The following NINJ2 variants were observed in gnomAD, a reference collection of about 807,000 sequenced individuals.
NINJ2 encodes the protein ninjurin-2.
A neutral mutation model predicts 11.7 loss-of-function variants in NINJ2; 12 were observed. That is an observed-to-expected ratio of 1.02 (90% CI 0.66 to 1.66). The LOEUF (loss-of-function observed/expected upper bound fraction) is 1.66, where lower values mean the gene tolerates loss of function less well. Ranked by LOEUF, NINJ2 falls within the 40% of genes most tolerant of loss-of-function variation. The probability of loss-of-function intolerance (pLI) is 0.00; values close to 1 mark genes in which losing one functional copy is unlikely to be tolerated. For missense variants in NINJ2, 187 were observed against 181.8 expected, an observed-to-expected ratio of 1.03 and a Z score of -0.16; for synonymous variants, 93 against 76.8, an observed-to-expected ratio of 1.21 and a Z score of -1.10.
At chr12:603,611 T>C (rs915562815) in intron 1 of NINJ2, among the ~76,000 whole-genome samples, 4 of 152,230 alleles carry the variant, frequency 2.6e-5, no homozygotes, top group African/African-American at 9.6e-5. Context: ...CTTTATTCTT[T>C]TCCATGTGGA....
Position 629,896 on chromosome 12 carries a change from A to AAAAAAAAAAAAAAAAAT in NINJ2, c.33+33431_33+33432insATTTTTTTTTTTTTTTT. ...GAGCAAAACTCAAAAAAAAAAAAAA[A>AAAAAAAAAAAAAAAAAT]ATATATATATATATATATATATATA... On this transcript the variant is annotated intron_variant, in intron 1 of 3. Transcript: ENST00000305108. Among the ~76,000 whole-genome samples, 43 of 9,902 alleles carry AAAAAAAAAAAAAAAAAT rather than the reference A, an allele frequency of 4.3e-3. 2 individuals are homozygous for AAAAAAAAAAAAAAAAAT. The highest frequency in any genetic ancestry group is 0.014 in the Non-Finnish European group (30 of 2,128). 6.5% of individuals were successfully genotyped at this position (9,902 alleles called of 152,430 possible). A position where few individuals can be genotyped will look rare whatever the true frequency, so the allele number is the denominator to read the frequency against.
At chr12:660,480 A>G (rs1937943716) in intron 1 of NINJ2, among the ~76,000 whole-genome samples, 3 of 151,502 alleles carry the variant, frequency 2.0e-5, no homozygotes, top group South Asian at 4.2e-4. Flanking sequence ...AGCTGGGACT[A>G]CAGGCGTACA....
intron 1 of NINJ2, among the ~76,000 whole-genome samples, chr12:657,988 CTTTTTTTTTTTT>C (rs1164230214): frequency 3.7e-4 from 20 of 54,398 alleles, no homozygotes; most frequent in Admixed American, 2.1e-3. Flanking sequence ...CCTACACAGG[CTTTTTTTTTTTT>C]TTTTTTTTTT....
rs984846697 is a variant in NINJ2 at position 585,378 on chromosome 12, G to A, written c.34-19200C>T. On this transcript the variant is annotated intron_variant, in intron 1 of 3. Transcript: ENST00000305108. This position sits in a 1 kb window ranked among gnomAD's most constrained non-coding sequence, Gnocchi z 4.1. The stretch of plus-strand genomic sequence containing the variant: ...GAGGCCAAAGGGAAAGAGTAGGTTC[G>A]CCGGGGACAATCCCACACCAGGAAG... 6.6e-6 allele frequency among the ~76,000 whole-genome samples: 1 copy of A among 152,154 alleles called. No individual in the cohort carries two copies. The highest frequency in any genetic ancestry group is 1.9e-4 in the East Asian group (1 of 5,192).
At chr12:646,172 G>C (rs1937675917) in intron 1 of NINJ2, among the ~76,000 whole-genome samples, 1 of 152,188 alleles carries the variant, frequency 6.6e-6, no homozygotes. Flanking sequence ...GCAACTTGAG[G>C]ATAAGCCTTG....
At chr12:661,766 A>T (rs561311313) in intron 1 of NINJ2, among the ~76,000 whole-genome samples, 1 of 152,386 alleles carries the variant, frequency 6.6e-6, no homozygotes, top group South Asian at 2.1e-4. Flanking sequence ...TACTAGGGAC[A>T]GAAGACATGG....
At chr12:648,767 A>G (rs959070765) in intron 1 of NINJ2, among the ~76,000 whole-genome samples, 3 of 152,164 alleles carry the variant, frequency 2.0e-5, no homozygotes, top group African/African-American at 2.4e-5. Flanking sequence ...CCAACCTACC[A>G]TTACAATCCT....
intron 1 of NINJ2, among the ~76,000 whole-genome samples, chr12:635,067 T>G (rs1339658583): frequency 1.3e-5 from 2 of 151,696 alleles, no homozygotes; most frequent in Non-Finnish European, 2.9e-5. Flanking sequence ...TTTTTTTTTT[T>G]TTTGAGACGG....
chr12:588,180 A>G (rs529662392), intron 1 of NINJ2, among the ~76,000 whole-genome samples: 3,193 of 151,256 alleles, frequency 0.021, 130 homozygotes, highest in African/African-American at 0.073. Flanking sequence ...AAGGGACGGA[A>G]GGGACGGAAG....
chr12:568,223 T>C (rs1947328532), intron 1 of NINJ2, among the ~76,000 whole-genome samples: 3 of 152,164 alleles, frequency 2.0e-5, no homozygotes, highest in African/African-American at 7.2e-5. Flanking sequence ...TCAATATAAA[T>C]AGAAGTTTAA....
chr12:609,026 CTG>C lies in NINJ2; in HGVS notation c.34-42850_34-42849del, dbSNP rs572533173. On this transcript the variant is annotated intron_variant, in intron 1 of 3. Transcript: ENST00000305108. Reference sequence around the variant, plus strand: ...CACATACACGGCGCCACGCTAGGGGCTGTACGCACGCACGGCGCCACGCGCTA... The same window carrying C: ...CACATACACGGCGCCACGCTAGGGGCTACGCACGCACGGCGCCACGCGCTA... Among the ~76,000 whole-genome samples the C allele has an allele frequency of 5.8e-3, 879 of 151,694 alleles. 1 individual carries two copies. The highest frequency in any genetic ancestry group is 9.1e-3 in the Non-Finnish European group (616 of 67,860).
intron 1 of NINJ2, among the ~76,000 whole-genome samples, chr12:575,368 G>A (rs1424941771): frequency 6.6e-6 from 1 of 152,076 alleles, no homozygotes; most frequent in African/African-American, 2.4e-5. Flanking sequence ...ATGCTCAGAC[G>A]TGCAGGGCCA....
chr12:588,240 G>A (rs1947671072), intron 1 of NINJ2, among the ~76,000 whole-genome samples: 1 of 152,000 alleles, frequency 6.6e-6, no homozygotes, highest in African/African-American at 2.4e-5. Flanking sequence ...CAGAAGGGAG[G>A]GAAGGGAGGA....
chr12:625,080 C>A (rs372401666), intron 1 of NINJ2, among the ~76,000 whole-genome samples: 26 of 106,724 alleles, frequency 2.4e-4, no homozygotes, highest in African/African-American at 9.0e-4. Context: ...CCTGCCTGGG[C>A]AACAAGAGAG....
At chr12:568,606 A>G (rs113143521) in intron 1 of NINJ2, among the ~76,000 whole-genome samples, 1 of 152,278 alleles carries the variant, frequency 6.6e-6, no homozygotes, top group African/African-American at 2.4e-5. Context: ...GATCAAACAT[A>G]TAGGAGTGGC....
At chr12:652,246 G>A (rs193102521) in intron 1 of NINJ2, among the ~76,000 whole-genome samples, 7 of 152,232 alleles carry the variant, frequency 4.6e-5, no homozygotes, top group East Asian at 1.9e-4. Context: ...AGACACATGC[G>A]GAGAAGAAAG....
intron 1 of NINJ2, among the ~76,000 whole-genome samples, chr12:661,047 AT>A (rs926625563): frequency 1.1e-4 from 17 of 150,808 alleles, no homozygotes; most frequent in South Asian, 8.5e-4. Flanking sequence ...ATTGTACCAC[AT>A]TTTGGGGAAA....
chr12:575,485 G>A (rs2535421), intron 1 of NINJ2, among the ~76,000 whole-genome samples: 107,407 of 152,068 alleles, frequency 0.71, 38,135 homozygotes, highest in African/African-American at 0.77. Flanking sequence ...CCCCCAGGGA[G>A]AGCCTCCCCT....
At chr12:584,737 T>C (rs1181514753) in intron 1 of NINJ2, among the ~76,000 whole-genome samples, 5 of 145,316 alleles carry the variant, frequency 3.4e-5, no homozygotes, top group East Asian at 2.1e-4. Context: ...ACCCGGGAGG[T>C]GGAGGTTGCA....
Sources: allele counts gnomAD v4.1 joint callset (sites outside exome capture counted in the v4.1 genomes callset), GRCh38; gene constraint gnomAD v4.1.1; non-coding constraint Gnocchi (gnomAD v3.1); transcripts MANE v1.5; gene names NCBI Gene and HGNC (gene_info 2026-07-23, HGNC 2026-07-21).